PHF8: variants seen among roughly 807,000 people sequenced by gnomAD.
PHF8 encodes PHD finger protein 8.
PHF8 carries 9 observed loss-of-function variants against 74.4 expected under a neutral mutation model. That is an observed-to-expected ratio of 0.12 (90% CI 0.07 to 0.21). The LOEUF (loss-of-function observed/expected upper bound fraction) is 0.21, where lower values mean the gene tolerates loss of function less well. PHF8 is among the 10% of genes least tolerant of loss of function. PHF8 has a pLI of 1.00. For synonymous variants in PHF8, 311 were observed against 316.6 expected, an observed-to-expected ratio of 0.98 and a Z score of 0.19; for missense variants, 478 against 816.6, an observed-to-expected ratio of 0.59 and a Z score of 5.05.
chrX:53,980,152 G>A (rs1231339794), intron 18 of PHF8, among the ~76,000 whole-genome samples: 1 of 111,364 alleles, frequency 9.0e-6, no homozygotes, highest in Non-Finnish European at 1.9e-5. Context: ...AATAAAACTG[G>A]AAGCTAGAGG....
In PHF8 at chrX:53,985,048, G is replaced by A. The variant is rs2149827255; in HGVS notation, c.2309C>T (p.Ala770Val). 8.3e-7 allele frequency: 1 copy of A among 1,211,490 alleles called. No individual in the cohort carries two copies. The highest frequency in any genetic ancestry group is 1.1e-6 in the Non-Finnish European group (1 of 895,160). ...CCGCTTCCCTGGGGTGCGCTGGGAA[G>A]CAGGACTGTTAGACACTGTGCCCAG... The part of the protein sequence containing the change: ...SGLGTVSNSP[A>V]SQRTPGKRPI... The change falls in exon 18 of 22, where the codon GCT (alanine) becomes GTT (valine). Residue 770 changes from alanine to valine, a missense_variant. By Grantham distance (64) the Ala-to-Val change is moderately conservative. Around this residue, in one of 9 missense-constraint regions of PHF8, gnomAD observed 51 missense variants for 45.8 expected, o/e 1.11. Coordinates refer to ENST00000338154, the MANE Select transcript of PHF8 (RefSeq NM_015107.3).
chrX:53,957,073 G>A (rs781917747), intron 19 of PHF8, among the ~76,000 whole-genome samples: 11 of 109,253 alleles, frequency 1.0e-4, no homozygotes, highest in South Asian at 4.0e-4. Context: ...CTGGCCAGGC[G>A]CGGTGGCTCA....
upstream of PHF8, chrX:54,044,525 C>T: frequency 2.2e-6 from 1 of 464,970 alleles, no homozygotes. Context: ...CGGGTGACGT[C>T]ATCGGGGGGG....
intron 16 of PHF8, among the ~76,000 whole-genome samples, chrX:53,986,239 C>T (rs186382636): frequency 2.9e-4 from 33 of 112,775 alleles, no homozygotes; most frequent in African/African-American, 8.0e-4. Flanking sequence ...CTACATCGCA[C>T]TGACTTTTTA....
chrX:54,033,461 T>C (rs2066395847), intron 2 of PHF8, among the ~76,000 whole-genome samples: 1 of 112,085 alleles, frequency 8.9e-6, no homozygotes, highest in Non-Finnish European at 1.9e-5. Flanking sequence ...ATGCCTGTAA[T>C]CCCAGCACTT....
chrX:54,047,151 TG>T (rs1358806751), upstream of PHF8, among the ~76,000 whole-genome samples: 5 of 112,028 alleles, frequency 4.5e-5, no homozygotes, highest in African/African-American at 1.3e-4. Flanking sequence ...TCACTAGTGT[TG>T]GGGGGAAAAA....
intron 18 of PHF8, among the ~76,000 whole-genome samples, chrX:53,984,007 T>A (rs2065520317): frequency 8.9e-6 from 1 of 112,695 alleles, no homozygotes; most frequent in African/African-American, 3.2e-5. Flanking sequence ...AATTTTTGCT[T>A]TCTCCATCTT....
At chrX:53,978,633 C>T (rs2065426625) in intron 18 of PHF8, among the ~76,000 whole-genome samples, 1 of 108,510 alleles carries the variant, frequency 9.2e-6, no homozygotes, top group Admixed American at 9.9e-5. Context: ...CCCGTCTCTA[C>T]TAAAAATACA....
chrX:54,044,892 G>A, upstream of PHF8: 3 of 1,154,960 alleles, frequency 2.6e-6, no homozygotes, highest in African/African-American at 3.6e-5. Context: ...CCTGTTCATT[G>A]AGCACCTTCG....
intron 14 of PHF8, among the ~76,000 whole-genome samples, chrX:53,991,950 G>C (rs187516202): frequency 5.4e-5 from 6 of 111,313 alleles, no homozygotes; most frequent in African/African-American, 1.6e-4. Context: ...AAGGTAACAG[G>C]GAAAGAGAGA....
In PHF8 at chrX:53,962,943, C is replaced by A. The variant is rs782324446; in HGVS notation, c.2444-4G>T. On this transcript the variant is annotated splice_region_variant and splice_polypyrimidine_tract_variant and intron_variant, in intron 18 of 21. Coordinates refer to ENST00000338154, the MANE Select transcript of PHF8 (RefSeq NM_015107.3). ...TCAGACTCCAGTGAAGGATAGACTG[C>A]AGGGAGAAGGGAAAACAGGGTAAAA... The A allele has an allele frequency of 1.8e-6, 2 of 1,108,172 alleles. No homozygotes were observed. The highest frequency in any genetic ancestry group is 2.5e-6 in the Non-Finnish European group (2 of 801,267). 91.3% of individuals were successfully genotyped at this position (1,108,172 alleles called of 1,213,427 possible).
At chrX:53,975,692 G>A (rs781886155) in intron 18 of PHF8, among the ~76,000 whole-genome samples, 13 of 111,816 alleles carry the variant, frequency 1.2e-4, no homozygotes, top group Non-Finnish European at 2.4e-4. Context: ...CAGAGGTGGA[G>A]AGTAGAATGG....
chrX:53,951,513 C>T (rs1411268368), intron 19 of PHF8, among the ~76,000 whole-genome samples: 2 of 110,445 alleles, frequency 1.8e-5, no homozygotes, highest in African/African-American at 6.6e-5. Flanking sequence ...TGCAGTGGTG[C>T]AATCTCGGCT....
chrX:54,010,996 A>C (rs2065974159), intron 8 of PHF8, 126 bp downstream of exon 8: 1 of 610,089 alleles, frequency 1.6e-6, no homozygotes, highest in African/African-American at 2.2e-5. Flanking sequence ...CTTGAAGCCC[A>C]GTTCTGCGCC....
intron 18 of PHF8, among the ~76,000 whole-genome samples, chrX:53,965,140 A>C (rs1298497900): frequency 1.8e-5 from 2 of 112,058 alleles, no homozygotes; most frequent in Non-Finnish European, 3.8e-5. Context: ...TTTACCAAAA[A>C]AAAAGAACAT....
chrX:53,948,408 G>T (rs1049690634), intron 19 of PHF8, among the ~76,000 whole-genome samples: 2 of 110,885 alleles, frequency 1.8e-5, no homozygotes, highest in Non-Finnish European at 3.8e-5. Flanking sequence ...AAGTAGCTGG[G>T]ATAACAGGCA....
At chrX:54,021,624 A>G (rs2066177155) in intron 4 of PHF8, among the ~76,000 whole-genome samples, 1 of 106,442 alleles carries the variant, frequency 9.4e-6, no homozygotes, top group Non-Finnish European at 1.9e-5. Flanking sequence ...GCCCGCCACT[A>G]CGCCCGGCCA....
chrX:54,034,931 G>A (rs782386689), intron 2 of PHF8, among the ~76,000 whole-genome samples: 1 of 110,328 alleles, frequency 9.1e-6, no homozygotes, highest in African/African-American at 3.3e-5. Context: ...CTTGAGCCCA[G>A]GAGGTTTAGG....
intron 19 of PHF8, among the ~76,000 whole-genome samples, chrX:53,961,148 G>A (rs1273397439): frequency 9.3e-6 from 1 of 107,388 alleles, no homozygotes; most frequent in African/African-American, 3.4e-5. Context: ...TCAGCCTCTC[G>A]AGTAGCTGGG....
Sources: gnomAD v4.1 joint callset for allele counts (sites outside exome capture counted in the v4.1 genomes callset) on GRCh38, gnomAD v4.1.1 for gene constraint, gnomAD v4.1.1 regional missense constraint, MANE v1.5 for transcripts, NCBI Gene and HGNC (gene_info 2026-07-23, HGNC 2026-07-21) for gene names.